PCP4: variants seen among roughly 807,000 people sequenced by gnomAD.
PCP4 encodes the protein calmodulin regulator protein PCP4.
A neutral mutation model predicts 10.0 loss-of-function variants in PCP4; 8 were observed. The ratio of observed to expected loss-of-function variants is 0.80; its 90% CI spans 0.47 to 1.45. PCP4 has a LOEUF of 1.45. PCP4 is among the 40% of genes most tolerant of loss of function. The pLI, the probability that PCP4 is intolerant of heterozygous loss-of-function variation, is 0.00. For synonymous variants in PCP4, 21 were observed against 23.0 expected (o/e 0.91, Z 0.24); for missense variants, 54 against 74.4 (o/e 0.73, Z 1.01).
intron 1 of PCP4, among the ~76,000 whole-genome samples, chr21:39,868,193 CTTCTCCTTTT>C (rs1401086143): frequency 6.6e-6 from 1 of 152,166 alleles, no homozygotes; most frequent in Non-Finnish European, 1.5e-5. Flanking sequence ...CTAAAATCAT[CTTCTCCTTTT>C]TTCTCATCTA....
intron 2 of PCP4, among the ~76,000 whole-genome samples, chr21:39,923,932 T>C (rs1001080990): frequency 6.6e-6 from 1 of 152,236 alleles, no homozygotes; most frequent in Admixed American, 6.5e-5. Context: ...TTGTGAGTTG[T>C]GGACTGTATC....
intron 1 of PCP4, among the ~76,000 whole-genome samples, chr21:39,887,457 A>G (rs533639686): frequency 6.6e-6 from 1 of 151,900 alleles, no homozygotes; most frequent in Non-Finnish European, 1.5e-5. Context: ...GAATGTTATT[A>G]GGAGAATTAT....
At position 39,906,276 on chromosome 21, in the gene PCP4, G is replaced by A. The variant is rs2087509111; in HGVS notation, c.61+7749G>A. On this transcript the variant is annotated intron_variant, in intron 2 of 2. Coordinates refer to ENST00000328619, the MANE Select transcript of PCP4 (RefSeq NM_006198.3). The surrounding 1 kb of genome is among the most constrained non-coding windows in gnomAD (Gnocchi z 6.3). ...TGACCAGGGTCTTGTTTGTAAATGGGCAACTTGGATGGGCTGTGGTCTAAG... is the reference window on the plus strand; with the variant it reads ...TGACCAGGGTCTTGTTTGTAAATGGACAACTTGGATGGGCTGTGGTCTAAG... Among the ~76,000 whole-genome samples the A allele has an allele frequency of 6.6e-6, 1 of 152,184 alleles. No individual in the cohort carries two copies. The highest frequency in any genetic ancestry group is 1.5e-5 in the Non-Finnish European group (1 of 68,036).
chr21:39,892,482 C>G (rs149370573), intron 1 of PCP4, among the ~76,000 whole-genome samples: 90 of 152,076 alleles, frequency 5.9e-4, no homozygotes, highest in African/African-American at 2.0e-3. Flanking sequence ...CCTAGAGCCT[C>G]TGTCCTCAGA....
intron 2 of PCP4, among the ~76,000 whole-genome samples, chr21:39,919,308 T>G (rs2087583737): frequency 6.6e-6 from 1 of 152,220 alleles, no homozygotes; most frequent in African/African-American, 2.4e-5. Flanking sequence ...CTGACAGATG[T>G]TAATTCTTCC....
At chr21:39,898,429 A>C (rs751969308) in intron 1 of PCP4, 47 bp from the exon 2 acceptor site, 31 of 1,452,578 alleles carry the variant, frequency 2.1e-5, no homozygotes, top group Non-Finnish European at 2.8e-5. Context: ...AGTAATCCCG[A>C]GTATATCTGA....
At chr21:39,875,044 A>G (rs1450910745) in intron 1 of PCP4, among the ~76,000 whole-genome samples, 1 of 152,186 alleles carries the variant, frequency 6.6e-6, no homozygotes, top group East Asian at 1.9e-4. Context: ...TTTCCATTGA[A>G]TATTTTTGGA....
At chr21:39,912,575 C>T (rs1177257066) in intron 2 of PCP4, among the ~76,000 whole-genome samples, 1 of 152,074 alleles carries the variant, frequency 6.6e-6, no homozygotes, top group Non-Finnish European at 1.5e-5. Flanking sequence ...TGAATTCTGC[C>T]TAGGTGTTCA....
At chr21:39,868,039 C>A (rs1040775210) in intron 1 of PCP4, among the ~76,000 whole-genome samples, 11 of 152,188 alleles carry the variant, frequency 7.2e-5, no homozygotes, top group African/African-American at 2.7e-4. Context: ...TGGGAAACAT[C>A]CGTGTGTATA....
chr21:39,915,517 G>T (rs898528405), intron 2 of PCP4, among the ~76,000 whole-genome samples: 2 of 152,172 alleles, frequency 1.3e-5, no homozygotes, highest in Non-Finnish European at 2.9e-5. Flanking sequence ...CAATAGAGAA[G>T]GTTATTTCTC....
At chr21:39,903,285 G>A (rs2087489606) in intron 2 of PCP4, among the ~76,000 whole-genome samples, 1 of 152,208 alleles carries the variant, frequency 6.6e-6, no homozygotes, top group African/African-American at 2.4e-5. Context: ...TTAGCGAGCT[G>A]TGATGCATTT....
At chr21:39,908,265 G>A (rs2299770) in intron 2 of PCP4, among the ~76,000 whole-genome samples, 19,737 of 151,388 alleles carry the variant, frequency 0.13, 1,522 homozygotes, top group East Asian at 0.36. Context: ...CGATGAGGCT[G>A]TCCCTGTGAA....
intron 1 of PCP4, among the ~76,000 whole-genome samples, chr21:39,869,213 C>G (rs555994945): frequency 6.6e-6 from 1 of 152,298 alleles, no homozygotes; most frequent in Non-Finnish European, 1.5e-5. Flanking sequence ...TCAGTCATGC[C>G]GTCACTTGCT....
intron 1 of PCP4, among the ~76,000 whole-genome samples, chr21:39,884,075 C>T (rs2087388533): frequency 1.3e-5 from 2 of 152,124 alleles, no homozygotes; most frequent in Admixed American, 1.3e-4. Flanking sequence ...AGTTGGATTC[C>T]AGCACACTTA....
intron 1 of PCP4, among the ~76,000 whole-genome samples, chr21:39,892,917 A>G (rs2087439934): frequency 6.6e-6 from 1 of 152,188 alleles, no homozygotes; most frequent in Non-Finnish European, 1.5e-5. Flanking sequence ...TTATTATGTT[A>G]AGGGAAATAA....
chr21:39,868,684 C>T (rs2087305337), intron 1 of PCP4, among the ~76,000 whole-genome samples: 1 of 152,196 alleles, frequency 6.6e-6, no homozygotes, highest in Non-Finnish European at 1.5e-5. Context: ...CTCAACAACT[C>T]CGTGCAGTGG....
intron 2 of PCP4, among the ~76,000 whole-genome samples, chr21:39,914,593 A>C (rs897284761): frequency 6.6e-6 from 1 of 151,476 alleles, no homozygotes; most frequent in African/African-American, 2.4e-5. Flanking sequence ...AAAAAGAAAA[A>C]AAAAAGAAGA....
At chr21:39,900,226 G>A (rs185487827) in intron 2 of PCP4, among the ~76,000 whole-genome samples, 59 of 152,154 alleles carry the variant, frequency 3.9e-4, no homozygotes, top group Admixed American at 3.7e-3. Context: ...GTAGAGACAG[G>A]ATTTCACCAT....
Position 39,929,025 on chromosome 21 carries a change from G to C in PCP4, c.103G>C (p.Asp35His), listed in dbSNP as rs769435511. Residue 35 changes from aspartate to histidine, a missense_variant, in exon 3 of 3, where the codon GAT (aspartate) becomes CAT (histidine). Physicochemically the swap from Asp to His is moderately conservative, Grantham distance 81. Transcript: ENST00000328619. ...KVQEEFDIDM[D>H]APETERAAVA... ...TCAAGAAGAATTTGACATTGACATG[G>C]ATGCACCAGAGACAGAACGTGCAGC... 1.2e-6 allele frequency: 2 copies of C among 1,613,158 alleles called. No individual in the cohort carries two copies. Among genetic ancestry groups the C allele is most frequent in the South Asian group, 1.1e-5 (1 of 90,926 alleles).
Sources: allele counts gnomAD v4.1 joint callset (sites outside exome capture counted in the v4.1 genomes callset), GRCh38; gene constraint gnomAD v4.1.1; non-coding constraint Gnocchi (gnomAD v3.1); transcripts MANE v1.5; gene names NCBI Gene and HGNC (gene_info 2026-07-23, HGNC 2026-07-21).